Variants in CLK1 observed in about 807,000 individuals in gnomAD.
The protein encoded by CLK1 is CDC like kinase 1, also known as dual specificity protein kinase CLK1.
A neutral mutation model predicts 60.9 loss-of-function variants in CLK1; 40 were observed. The ratio of observed to expected loss-of-function variants is 0.66; its 90% confidence interval spans 0.51 to 0.86. CLK1 has a LOEUF of 0.86. Ranked by LOEUF, CLK1 falls within the 40% of genes least tolerant of loss-of-function variation. The pLI is 0.00. For synonymous variants in CLK1, 203 were observed against 184.4 expected (o/e 1.10, Z -0.82); for missense variants, 563 against 606.1 (o/e 0.93, Z 0.75).
At chr2:200,855,146 AAAGT>A in intron 9 of CLK1, 60 bp from the exon 10 acceptor site, 1 of 1,313,990 alleles carries the variant, frequency 7.6e-7, no homozygotes, top group Admixed American at 2.1e-5. Context: ...AAGAAATTAA[AAAGT>A]TAGTTAACAC....
chr2:200,854,550 AAT>A lies in CLK1; in HGVS notation c.1220+64_1220+65del, dbSNP rs2039008598. On this transcript the variant is annotated intron_variant, in intron 11 of 12. Transcript: ENST00000321356. ...GACTCCATCTCAAAAAAAAAAAAAA[AAT>A]TAAGTTCTAATCAGCAGATGTGATC... 2.9e-6 allele frequency: 3 copies of A among 1,034,914 alleles called. No homozygotes were observed. In the Admixed American group the frequency reaches 6.1e-5, roughly 21 times the overall value. 64.1% of individuals were successfully genotyped at this position (1,034,914 alleles called of 1,614,324 possible).
chr2:200,864,530 C>T (rs1404976515), intron 1 of CLK1, 34 bp downstream of exon 1: 1 of 387,786 alleles, frequency 2.6e-6, no homozygotes, highest in Non-Finnish European at 4.7e-6. Context: ...CAGGAACGGC[C>T]CTGTCACCTA....
At chr2:200,860,507 T>A (rs78784159) in intron 3 of CLK1, 5 of 1,072,060 alleles carry the variant, frequency 4.7e-6, no homozygotes, top group South Asian at 3.9e-5. Flanking sequence ...AAAAAAAAAA[T>A]GCTTAGTTGT....
chr2:200,853,754 T>C (rs1372399204), intron 12 of CLK1, 149 bp downstream of exon 12: 4 of 457,070 alleles, frequency 8.8e-6, no homozygotes, highest in African/African-American at 6.4e-5. Flanking sequence ...GGCTGAGACC[T>C]GCTTGAGCCT....
At chr2:200,855,225 C>T in intron 9 of CLK1, 139 bp from the exon 10 acceptor site, 1 of 613,858 alleles carries the variant, frequency 1.6e-6, no homozygotes, top group Non-Finnish European at 2.8e-6. Flanking sequence ...CCTGTAATCC[C>T]AGCACTTTGG....
Position 200,858,019 on chromosome 2 carries a change from T to C in CLK1, c.619A>G (p.Ile207Val). Reference protein sequence around the residue: ...DRYCEAARSEIQVLEHLNTTD... With the variant: ...DRYCEAARSEVQVLEHLNTTD... Reference sequence around the variant, plus strand: ...GTATTCAGATGTTCCAGAACTTGTATTTCTGAGCGAGCAGCTTCACAGTAT... The same window carrying C: ...GTATTCAGATGTTCCAGAACTTGTACTTCTGAGCGAGCAGCTTCACAGTAT... Residue 207 changes from isoleucine to valine, a missense_variant, in exon 6 of 13, where the codon ATA (isoleucine) becomes GTA (valine). Around this residue, in one of 3 missense-constraint regions of CLK1, gnomAD observed 360 missense variants for 407.0 expected, o/e 0.88. Transcript: ENST00000321356. 6.2e-7 allele frequency: 1 copy of C among 1,614,116 alleles called. No homozygotes were observed. Among genetic ancestry groups the C allele is most frequent in the South Asian group, 1.1e-5 (1 of 91,086 alleles).
chr2:200,857,166 T>G lies in CLK1; in HGVS notation c.833-181A>C, dbSNP rs2039057196. On this transcript the variant is annotated intron_variant, in intron 7 of 12. Coordinates refer to ENST00000321356, the MANE Select transcript of CLK1 (RefSeq NM_004071.4). ...ACCAAAATTACAAAAATTGGCCGGG[T>G]GTGGTGGCGTGTGCCTGTAGTCCTA... The G allele has an allele frequency of 5.2e-6, 3 of 578,570 alleles. No individual in the cohort carries two copies. In the South Asian group the frequency reaches 6.0e-5, roughly 12 times the overall value. The allele number at this position is 578,570 out of a possible 1,614,324, so 35.8% of individuals were successfully genotyped here.
chr2:200,859,954 A>G, intron 4 of CLK1, 171 bp downstream of exon 4: 2 of 1,432,924 alleles, frequency 1.4e-6, no homozygotes, highest in Non-Finnish European at 1.8e-6. Context: ...TATAACAAAC[A>G]TTACATTTCT....
At chr2:200,859,853 T>C (rs1245727343) in intron 4 of CLK1, 107 bp from the exon 5 acceptor site, 1 of 1,516,240 alleles carries the variant, frequency 6.6e-7, no homozygotes, top group African/African-American at 1.4e-5. Context: ...ACAAATTTCC[T>C]TATCACTAGA....
Position 200,861,818 on chromosome 2 carries a change from C to T in CLK1, c.45G>A (p.Lys15=). 1 of 1,614,040 alleles carries T rather than the reference C, an allele frequency of 6.2e-7. No individual in the cohort carries two copies. Residue 15 remains lysine, a synonymous_variant, in exon 2 of 13, where the codon AAG becomes AAA. Transcript: ENST00000321356. ...TCCTCCATTTTCCATAATCCCAATCCTTGTCATCCCAATCAGGACAGTAAG... is the reference window on the plus strand; with the variant it reads ...TCCTCCATTTTCCATAATCCCAATCTTTGTCATCCCAATCAGGACAGTAAG... ...KRTYCPDWDD[K]DWDYGKWRSS...
chr2:200,858,126 AC>A, intron 5 of CLK1, 37 bp from the exon 6 acceptor site: 16 of 1,290,582 alleles, frequency 1.2e-5, no homozygotes, highest in Non-Finnish European at 1.8e-5. Context: ...AGAATGACAG[AC>A]ATGATGCTCA....
rs373958613 is a variant in CLK1 at position 200,855,674 on chromosome 2, A to C, written c.1058-588T>G. Reference sequence around the variant, plus strand: ...ACATATATATGCAATGTGATGTTTGAGCTGGAAGATCCTAAAGCAATCACT... The same window carrying C: ...ACATATATATGCAATGTGATGTTTGCGCTGGAAGATCCTAAAGCAATCACT... On this transcript the variant is annotated intron_variant, in intron 9 of 12. Transcript: ENST00000321356. Among the ~76,000 whole-genome samples, 629 of 148,482 alleles carry C rather than the reference A, an allele frequency of 4.2e-3. 5 individuals carry two copies. Among genetic ancestry groups the C allele is most frequent in the South Asian group, 0.014 (62 of 4,570 alleles).
chr2:200,856,833 TAAG>T, intron 8 of CLK1, 22 bp from the exon 9 acceptor site: 6 of 1,612,694 alleles, frequency 3.7e-6, no homozygotes, highest in Non-Finnish European at 5.1e-6. Context: ...AAATGATGGT[TAAG>T]AAGGCATAAG....
rs2039072922 is a variant in CLK1, at chr2:200,858,074, T to G, written c.564A>C (p.Val188=). 1.9e-6 allele frequency: 3 copies of G among 1,609,406 alleles called. No individual in the cohort carries two copies. Among genetic ancestry groups the G allele is most frequent in the Non-Finnish European group, 1.7e-6 (2 of 1,175,734 alleles). Residue 188 remains valine (V), a synonymous_variant, in exon 6 of 13, where the codon GTA becomes GTC. Transcript: ENST00000321356. ...CIDHKAGGRH[V]AVKIVKNVDR... ...CCACATTTTTAACTATTTTTACTGC[T>G]ACATGTCTACCTCCCCTGTTAGAAA... is the stretch of plus-strand genomic sequence containing the variant.
At chr2:200,858,814 A>ACAG (rs1449854761) in intron 5 of CLK1, among the ~76,000 whole-genome samples, 182 of 149,428 alleles carry the variant, frequency 1.2e-3, no homozygotes, top group African/African-American at 4.4e-3. Flanking sequence ...AATAACAACA[A>ACAG]CAACAACAAC....
chr2:200,860,443 A>G lies in CLK1; in HGVS notation c.391-228T>C, dbSNP rs1195819718. 9 of 1,266,346 alleles carry G rather than the reference A, an allele frequency of 7.1e-6. No homozygotes were observed. In the East Asian group the frequency reaches 2.1e-4, roughly 29 times the overall value. 78.4% of individuals were successfully genotyped at this position (1,266,346 alleles called of 1,614,324 possible). A position where few individuals can be genotyped will look rare whatever the true frequency, so the allele number is the denominator to read the frequency against. ...AACATGGCAAGGAACAGATTTTCAGATAAGATACTCAAAGTGGCAAGGCAA... is the reference window on the plus strand; with the variant it reads ...AACATGGCAAGGAACAGATTTTCAGGTAAGATACTCAAAGTGGCAAGGCAA... On this transcript the variant is annotated intron_variant, in intron 3 of 12. Coordinates refer to ENST00000321356, the MANE Select transcript of CLK1 (RefSeq NM_004071.4).
chr2:200,860,035 G>GA (rs2039110450), intron 4 of CLK1, 90 bp downstream of exon 4: 2 of 1,508,554 alleles, frequency 1.3e-6, no homozygotes, highest in Non-Finnish European at 1.8e-6. Flanking sequence ...AAAAGAGAAA[G>GA]AAAAAAAGAT....
chr2:200,853,595 C>G (rs1324568027), intron 12 of CLK1, 146 bp from the exon 13 acceptor site: 6 of 700,864 alleles, frequency 8.6e-6, no homozygotes, highest in Non-Finnish European at 1.3e-5. Context: ...AATCCCAGCA[C>G]TCTGGGAGGC....
chr2:200,862,436 A>G (rs1182593561), intron 1 of CLK1, among the ~76,000 whole-genome samples: 7 of 151,972 alleles, frequency 4.6e-5, no homozygotes, highest in Non-Finnish European at 8.8e-5. Flanking sequence ...CCCACCCTTA[A>G]GAAGGTTCTT....
Sources: gnomAD v4.1 joint callset for allele counts (sites outside exome capture counted in the v4.1 genomes callset) on GRCh38, gnomAD v4.1.1 for gene constraint, gnomAD v4.1.1 regional missense constraint, MANE v1.5 for transcripts, NCBI Gene and HGNC (gene_info 2026-07-23, HGNC 2026-07-21) for gene names.